TASP1: variants seen among roughly 807,000 people sequenced by gnomAD.
TASP1 encodes taspase 1.
A neutral mutation model predicts 56.6 loss-of-function variants in TASP1; 16 were observed. The ratio of observed to expected loss-of-function variants is 0.28; its 90% CI spans 0.19 to 0.43. The LOEUF (loss-of-function observed/expected upper bound fraction) is 0.43, where lower values mean the gene tolerates loss of function less well. Ranked by LOEUF, TASP1 falls within the 20% of genes least tolerant of loss-of-function variation. The pLI is 1.00. For missense variants in TASP1, 393 were observed against 511.6 expected (o/e 0.77, Z 2.24); for synonymous variants, 179 against 184.2 (o/e 0.97, Z 0.23).
chr20:13,239,708 A>G, the TASP1 span: 2 of 152,374 alleles, frequency 1.3e-5, no homozygotes, highest in Non-Finnish European at 2.9e-5. Context: ...CAGGTTGCAG[A>G]CACTCACCAA....
At chr20:13,546,397 T>C (rs191434710) in intron 8 of TASP1, among the ~76,000 whole-genome samples, 4 of 152,298 alleles carry the variant, frequency 2.6e-5, no homozygotes, top group Admixed American at 1.3e-4. Flanking sequence ...ACCTCAACAC[T>C]TCTTCACAGA....
At chr20:13,117,193 C>T in the TASP1 span, among the ~76,000 whole-genome samples, 1 of 152,210 alleles carries the variant, frequency 6.6e-6, no homozygotes, top group African/African-American at 2.4e-5. Context: ...CCAGAATGGT[C>T]AGTCTAGTTA....
chr20:13,386,062 G>C (rs1358301277), downstream of TASP1, among the ~76,000 whole-genome samples: 1 of 152,218 alleles, frequency 6.6e-6, no homozygotes, highest in Admixed American at 6.5e-5. Flanking sequence ...CTTGTTGTAT[G>C]CACCTGCAGC....
chr20:13,492,974 T>C (rs1038522975), intron 10 of TASP1, among the ~76,000 whole-genome samples: 6 of 152,120 alleles, frequency 3.9e-5, no homozygotes, highest in Admixed American at 6.6e-5. Context: ...ATATACTAAG[T>C]GCTTTATACA....
the TASP1 span, among the ~76,000 whole-genome samples, chr20:13,314,839 A>G: frequency 6.6e-6 from 1 of 152,132 alleles, no homozygotes; most frequent in Non-Finnish European, 1.5e-5. Flanking sequence ...ATATGTTTAT[A>G]CATGCATGTA....
the TASP1 span, among the ~76,000 whole-genome samples, chr20:13,372,823 T>C: frequency 6.6e-6 from 1 of 152,096 alleles, no homozygotes; most frequent in Admixed American, 6.6e-5. Context: ...GCTCTAGGGC[T>C]TACCATATAC....
At chr20:13,127,920 A>C in the TASP1 span, among the ~76,000 whole-genome samples, 2 of 152,156 alleles carry the variant, frequency 1.3e-5, no homozygotes, top group Non-Finnish European at 2.9e-5. Context: ...GGAAGCCCTT[A>C]TGGTATGAGA....
At chr20:13,281,976 G>A in the TASP1 span, among the ~76,000 whole-genome samples, 3 of 152,138 alleles carry the variant, frequency 2.0e-5, no homozygotes, top group African/African-American at 4.8e-5. Flanking sequence ...CTAGCATCAC[G>A]TGGAAATGCA....
At chr20:13,411,703 T>C (rs1395767718) in intron 13 of TASP1, among the ~76,000 whole-genome samples, 1 of 152,202 alleles carries the variant, frequency 6.6e-6, no homozygotes, top group Admixed American at 6.5e-5. Flanking sequence ...GAATTCTCCA[T>C]TCTTATAGTC....
the TASP1 span, among the ~76,000 whole-genome samples, chr20:13,302,302 A>G: frequency 6.6e-6 from 1 of 152,338 alleles, no homozygotes; most frequent in East Asian, 1.9e-4. Context: ...GACTCTGCCT[A>G]CTGAGAACAC....
the TASP1 span, among the ~76,000 whole-genome samples, chr20:13,377,766 AT>A: frequency 2.0e-5 from 3 of 152,154 alleles, no homozygotes; most frequent in Non-Finnish European, 4.4e-5. Context: ...TTATTGGCCT[AT>A]TCAGGGATTT....
At chr20:13,417,389 TTA>T in intron 13 of TASP1, 57 bp downstream of exon 13, 1 of 1,584,752 alleles carries the variant, frequency 6.3e-7, no homozygotes, top group Non-Finnish European at 8.6e-7. Context: ...ACTTAGCTGG[TTA>T]GAGGTTTATG....
the TASP1 span, among the ~76,000 whole-genome samples, chr20:13,106,056 G>T: frequency 5.3e-5 from 8 of 152,246 alleles, 1 homozygote; most frequent in African/African-American, 1.9e-4. Flanking sequence ...GGTTAATAAT[G>T]TACGCTAAAA....
At chr20:13,197,455 C>T in the TASP1 span, among the ~76,000 whole-genome samples, 2 of 152,150 alleles carry the variant, frequency 1.3e-5, no homozygotes, top group African/African-American at 2.4e-5. Context: ...CTCTGAATCC[C>T]ATAACTGCCA....
chr20:13,255,026 A>C, the TASP1 span, among the ~76,000 whole-genome samples: 1 of 152,206 alleles, frequency 6.6e-6, no homozygotes, highest in African/African-American at 2.4e-5. Context: ...CATGGTTCTG[A>C]CATCCTGGTA....
At chr20:13,164,988 T>G in the TASP1 span, 1 of 720,590 alleles carries the variant, frequency 1.4e-6, no homozygotes. Flanking sequence ...CAGACCAGCT[T>G]GATTGAACTG....
the TASP1 span, among the ~76,000 whole-genome samples, chr20:13,270,177 C>T: frequency 1.3e-5 from 2 of 152,158 alleles, no homozygotes; most frequent in African/African-American, 4.8e-5. Context: ...AGAAGAGAAA[C>T]ATAATTTGGT....
the TASP1 span, among the ~76,000 whole-genome samples, chr20:13,227,786 G>A: frequency 6.6e-6 from 1 of 152,068 alleles, no homozygotes; most frequent in Non-Finnish European, 1.5e-5. Flanking sequence ...GGGATTACAG[G>A]TGTGAGCCAC....
intron 10 of TASP1, among the ~76,000 whole-genome samples, chr20:13,519,014 AT>A (rs935743096): frequency 3.3e-5 from 5 of 152,132 alleles, no homozygotes; most frequent in African/African-American, 1.2e-4. Flanking sequence ...AACAAAAAAA[AT>A]ATCCCTTGCA....
Sources: gnomAD v4.1 joint callset for allele counts (sites outside exome capture counted in the v4.1 genomes callset) on GRCh38, gnomAD v4.1.1 for gene constraint, MANE v1.5 for transcripts, NCBI Gene and HGNC (gene_info 2026-07-23, HGNC 2026-07-21) for gene names.